Variants in FAM163A observed in about 807,000 individuals in gnomAD.
The protein encoded by FAM163A is protein FAM163A.
FAM163A carries 7 observed loss-of-function variants against 12.0 expected under a neutral mutation model. The observed-to-expected ratio is 0.58, with a 90% CI of 0.33 to 1.10. The LOEUF is 1.10. Among genes scored for constraint, FAM163A ranks in the 50% least tolerant of loss-of-function variants. FAM163A has a pLI of 0.03. For synonymous variants in FAM163A, 101 were observed against 91.0 expected (o/e 1.11, Z -0.62); for missense variants, 202 against 218.6 (o/e 0.92, Z 0.48).
chr1:179,777,075 C>T (rs1689080414), intron 1 of FAM163A, among the ~76,000 whole-genome samples: 1 of 152,198 alleles, frequency 6.6e-6, no homozygotes, highest in South Asian at 2.1e-4. Flanking sequence ...GACTGAGTAG[C>T]ATCGGATTGT....
chr1:179,793,099 T>C (rs1334345851), intron 1 of FAM163A, among the ~76,000 whole-genome samples: 1 of 152,184 alleles, frequency 6.6e-6, no homozygotes, highest in Non-Finnish European at 1.5e-5. Flanking sequence ...GACAGGTCTT[T>C]AGATATCTGA....
intron 2 of FAM163A, among the ~76,000 whole-genome samples, chr1:179,809,661 A>T (rs991409273): frequency 6.6e-6 from 1 of 152,114 alleles, no homozygotes; most frequent in Admixed American, 6.5e-5. Context: ...CTTCTCCATA[A>T]TTCCCTGTCT....
At chr1:179,758,745 G>A (rs1445928440) in intron 1 of FAM163A, among the ~76,000 whole-genome samples, 19 of 152,178 alleles carry the variant, frequency 1.2e-4, no homozygotes, top group Admixed American at 1.2e-3. Flanking sequence ...CTCATCAGAT[G>A]GTAAATAACT....
At chr1:179,772,338 G>A (rs1025374237) in intron 1 of FAM163A, among the ~76,000 whole-genome samples, 6 of 152,252 alleles carry the variant, frequency 3.9e-5, no homozygotes, top group Admixed American at 2.0e-4. Flanking sequence ...AGGTCTTACT[G>A]TGCTGGCATT....
At chr1:179,731,114 C>G in the FAM163A span, among the ~76,000 whole-genome samples, 1 of 152,062 alleles carries the variant, frequency 6.6e-6, no homozygotes, top group Non-Finnish European at 1.5e-5. Flanking sequence ...TGATACAAAC[C>G]TGATACATTT....
chr1:179,782,987 C>T (rs907591622), intron 1 of FAM163A, among the ~76,000 whole-genome samples: 12 of 152,088 alleles, frequency 7.9e-5, no homozygotes, highest in Admixed American at 4.6e-4. Flanking sequence ...AAAATTAGCC[C>T]GGTGTGGTGG....
chr1:179,790,646 A>G (rs760469429), intron 1 of FAM163A, among the ~76,000 whole-genome samples: 3 of 152,052 alleles, frequency 2.0e-5, no homozygotes, highest in Non-Finnish European at 4.4e-5. Context: ...ACTCACTGAG[A>G]TTAGGATTTT....
At position 179,815,073 on chromosome 1, in the gene FAM163A, A is replaced by C. The variant is rs1378385860; in HGVS notation, c.*884A>C. 1 of 153,078 alleles carries C rather than the reference A, an allele frequency of 6.5e-6. No homozygotes were observed. Among genetic ancestry groups the C allele is most frequent in the Admixed American group, 6.6e-5 (1 of 15,172 alleles). 9.5% of individuals were successfully genotyped at this position (153,078 alleles called of 1,614,324 possible). A position where few individuals can be genotyped will look rare whatever the true frequency, so the allele number is the denominator to read the frequency against. On this transcript the variant is annotated 3_prime_UTR_variant, in exon 5 of 5. Transcript: ENST00000341785. Reference sequence around the variant, plus strand: ...TGGATGCAGTCCTGTGAGGGTGTGCATAACCGTTCCCAGGTGTACGCACGC... The same window carrying C: ...TGGATGCAGTCCTGTGAGGGTGTGCCTAACCGTTCCCAGGTGTACGCACGC...
At chr1:179,742,497 G>T (rs1683769639), upstream of FAM163A, 1 of 152,216 alleles carries the variant, frequency 6.6e-6, no homozygotes, top group East Asian at 1.9e-4. Flanking sequence ...AGAGAAAGAT[G>T]ATCAGACCGG....
chr1:179,809,234 C>A (rs890393030), intron 2 of FAM163A, among the ~76,000 whole-genome samples: 2 of 152,094 alleles, frequency 1.3e-5, no homozygotes, highest in Non-Finnish European at 2.9e-5. Flanking sequence ...CCTAAACAGC[C>A]ACAACATGTC....
intron 1 of FAM163A, among the ~76,000 whole-genome samples, chr1:179,793,862 C>T (rs1272924595): frequency 6.6e-6 from 1 of 152,184 alleles, no homozygotes; most frequent in Non-Finnish European, 1.5e-5. Flanking sequence ...TGGCTGTTGC[C>T]GGCCCAGGGC....
intron 1 of FAM163A, among the ~76,000 whole-genome samples, chr1:179,792,067 A>G (rs1011122510): frequency 4.6e-5 from 7 of 152,178 alleles, no homozygotes; most frequent in African/African-American, 1.7e-4. Flanking sequence ...ACTGCCACTT[A>G]CTAGATGTGT....
intron 2 of FAM163A, among the ~76,000 whole-genome samples, chr1:179,808,975 C>T (rs1235190749): frequency 1.3e-5 from 2 of 152,138 alleles, no homozygotes; most frequent in Admixed American, 6.5e-5. Flanking sequence ...GCCGTGGTAG[C>T]ACATGCCTTT....
chr1:179,745,507 G>C (rs1227232150), intron 1 of FAM163A, among the ~76,000 whole-genome samples: 1 of 152,152 alleles, frequency 6.6e-6, no homozygotes, highest in African/African-American at 2.4e-5. Context: ...ACTTTACAAG[G>C]CTGAGGTGGA....
intron 1 of FAM163A, among the ~76,000 whole-genome samples, chr1:179,791,213 G>A (rs910711651): frequency 4.6e-5 from 7 of 152,086 alleles, no homozygotes; most frequent in African/African-American, 1.7e-4. Context: ...CTTCAGTGTC[G>A]GCAGTAACAC....
the FAM163A span, among the ~76,000 whole-genome samples, chr1:179,728,639 T>C: frequency 6.6e-6 from 1 of 152,280 alleles, no homozygotes; most frequent in Non-Finnish European, 1.5e-5. Context: ...GTTTGTGGGT[T>C]TGTGATTTGT....
intron 2 of FAM163A, among the ~76,000 whole-genome samples, chr1:179,810,719 C>G (rs971996711): frequency 6.6e-6 from 1 of 152,172 alleles, no homozygotes; most frequent in Non-Finnish European, 1.5e-5. Flanking sequence ...TGCCCCGTAT[C>G]TTTTCATCAC....
At chr1:179,789,914 A>G (rs57325035) in intron 1 of FAM163A, among the ~76,000 whole-genome samples, 1 of 152,238 alleles carries the variant, frequency 6.6e-6, no homozygotes, top group Admixed American at 6.5e-5. Context: ...CTAGGGCTAC[A>G]TTTAGGAGGG....
chr1:179,728,526 T>G, the FAM163A span, among the ~76,000 whole-genome samples: 1 of 152,156 alleles, frequency 6.6e-6, no homozygotes, highest in Admixed American at 6.5e-5. Flanking sequence ...TGCAGCTTCA[T>G]TTTGATTATA....
Sources: allele counts gnomAD v4.1 joint callset (sites outside exome capture counted in the v4.1 genomes callset), GRCh38; gene constraint gnomAD v4.1.1; transcripts MANE v1.5; gene names NCBI Gene and HGNC (gene_info 2026-07-23, HGNC 2026-07-21).